MSI2: variants seen among roughly 807,000 people sequenced by gnomAD.
MSI2 encodes the protein musashi RNA binding protein 2.
A neutral mutation model predicts 45.6 loss-of-function variants in MSI2; 17 were observed. That is an observed-to-expected ratio of 0.37 (90% CI 0.26 to 0.56). The LOEUF is 0.56. MSI2 is among the 20% of genes least tolerant of loss of function. The pLI is 0.77. For missense variants in MSI2, 293 were observed against 444.2 expected (o/e 0.66, Z 3.06); for synonymous variants, 156 against 158.2 (o/e 0.99, Z 0.11).
chr17:57,405,179 T>G (rs779634040), intron 6 of MSI2, among the ~76,000 whole-genome samples: 3 of 152,216 alleles, frequency 2.0e-5, no homozygotes, highest in Non-Finnish European at 4.4e-5. Flanking sequence ...TGGCCTCGGC[T>G]TCTCTTCTCA....
the MSI2 span, among the ~76,000 whole-genome samples, chr17:57,698,291 C>T: frequency 6.6e-6 from 1 of 152,226 alleles, no homozygotes; most frequent in African/African-American, 2.4e-5. Flanking sequence ...AGAAGGCTGA[C>T]ATGTCCCATC....
At chr17:57,547,789 C>CACACACACACACACACACACACAT (rs1555621979) in intron 7 of MSI2, among the ~76,000 whole-genome samples, 3 of 145,096 alleles carry the variant, frequency 2.1e-5, no homozygotes, top group South Asian at 2.2e-4. Context: ...CACACACACA[C>CACACACACACACACACACACACAT]GTCTCTGGAG....
intron 8 of MSI2, among the ~76,000 whole-genome samples, chr17:57,598,253 G>T (rs971880633): frequency 6.6e-6 from 1 of 152,160 alleles, no homozygotes; most frequent in Non-Finnish European, 1.5e-5. Flanking sequence ...TCTTCCTTTT[G>T]TCAAAACATT....
In MSI2 at chr17:57,681,829, A is replaced by AG. The variant is rs1261447290; in HGVS notation, c.*2312_*2313insG. The AG allele has an allele frequency of 5.1e-6, 1 of 195,754 alleles. No individual in the cohort carries two copies. Among genetic ancestry groups the AG allele is most frequent in the Non-Finnish European group, 1.1e-5 (1 of 94,516 alleles). The allele number at this position is 195,754 out of a possible 1,614,324, so 12.1% of individuals were successfully genotyped here. A position where few individuals can be genotyped will look rare whatever the true frequency, so the allele number is the denominator to read the frequency against. ...AACATAAGTTTTATTTAAAAAAAAA[A>AG]AAAGAAAGAAAAAATAGTAAATTCC... On this transcript the variant is annotated 3_prime_UTR_variant, in exon 14 of 14. Coordinates refer to ENST00000284073, the MANE Select transcript of MSI2 (RefSeq NM_138962.4).
chr17:57,307,976 A>AG (rs1031861335), intron 5 of MSI2, among the ~76,000 whole-genome samples: 2 of 152,210 alleles, frequency 1.3e-5, no homozygotes, highest in Non-Finnish European at 2.9e-5. Context: ...CCTTCCATAG[A>AG]GCCTGACAGA....
intron 6 of MSI2, among the ~76,000 whole-genome samples, chr17:57,502,636 T>TATATATATATAGAGAGAG: frequency 5.2e-5 from 5 of 96,896 alleles, no homozygotes; most frequent in Non-Finnish European, 8.6e-5. Flanking sequence ...TATATATATA[T>TATATATATATAGAGAGAG]AGTCATCATT....
At chr17:57,431,915 G>C (rs2084602067) in intron 6 of MSI2, among the ~76,000 whole-genome samples, 3 of 152,152 alleles carry the variant, frequency 2.0e-5, no homozygotes, top group African/African-American at 7.2e-5. Flanking sequence ...GACTCCACCG[G>C]GCATTTGGCG....
chr17:57,516,691 A>G (rs760301560), intron 6 of MSI2, among the ~76,000 whole-genome samples: 3 of 152,202 alleles, frequency 2.0e-5, no homozygotes, highest in Non-Finnish European at 4.4e-5. Flanking sequence ...TGTTGTATCA[A>G]TAGTTTCTAC....
rs553850052 is a variant in MSI2, at chr17:57,325,040, C to T, written c.312+62848C>T. Among the ~76,000 whole-genome samples, 5 of 152,316 alleles carry T rather than the reference C, an allele frequency of 3.3e-5. No individual in the cohort carries two copies. In the East Asian group the frequency reaches 9.6e-4, roughly 29 times the overall value. On this transcript the variant is annotated intron_variant, in intron 5 of 13. Transcript: ENST00000284073. Reference sequence around the variant, plus strand: ...GTATCTACCTATGTTTATCACAGCACAGTTCCCAGTTGCAAAGATATGGAG... The same window carrying T: ...GTATCTACCTATGTTTATCACAGCATAGTTCCCAGTTGCAAAGATATGGAG...
chr17:57,499,815 A>G (rs1043853946), intron 6 of MSI2, among the ~76,000 whole-genome samples: 9 of 152,158 alleles, frequency 5.9e-5, no homozygotes, highest in Non-Finnish European at 5.9e-5. Flanking sequence ...ACTTCTCCCC[A>G]TGGTCTCTCT....
chr17:57,662,106 A>G (rs1479582511), intron 11 of MSI2, among the ~76,000 whole-genome samples: 2 of 152,194 alleles, frequency 1.3e-5, no homozygotes, highest in Non-Finnish European at 2.9e-5. Flanking sequence ...CAGAAAATGA[A>G]GGGGCCCTTT....
intron 6 of MSI2, among the ~76,000 whole-genome samples, chr17:57,478,517 C>CT (rs2085584720): frequency 6.6e-6 from 1 of 152,242 alleles, no homozygotes; most frequent in African/African-American, 2.4e-5. Context: ...CATTGTACTA[C>CT]TATCTCCCCG....
At chr17:57,692,177 G>A in the MSI2 span, among the ~76,000 whole-genome samples, 1 of 152,160 alleles carries the variant, frequency 6.6e-6, no homozygotes. Context: ...TGTTGAACCA[G>A]CCTTGCATTC....
At chr17:57,693,243 C>T in the MSI2 span, among the ~76,000 whole-genome samples, 4 of 151,880 alleles carry the variant, frequency 2.6e-5, no homozygotes, top group Admixed American at 1.3e-4. Context: ...AGTGCAGTGG[C>T]GCGATCTTGG....
intron 7 of MSI2, among the ~76,000 whole-genome samples, chr17:57,567,020 G>A (rs1306689965): frequency 6.6e-6 from 1 of 152,204 alleles, no homozygotes; most frequent in East Asian, 1.9e-4. Context: ...CTCCAAGGAT[G>A]CTTCCATGTA....
intron 6 of MSI2, among the ~76,000 whole-genome samples, chr17:57,457,232 C>G (rs765932159): frequency 6.6e-6 from 1 of 152,186 alleles, no homozygotes; most frequent in Non-Finnish European, 1.5e-5. Context: ...GAAAGTTTCA[C>G]CAAATTCCCC....
At chr17:57,323,707 A>G (rs769437889) in intron 5 of MSI2, among the ~76,000 whole-genome samples, 3 of 152,250 alleles carry the variant, frequency 2.0e-5, no homozygotes, top group Non-Finnish European at 4.4e-5. Context: ...TGGGCAGAGA[A>G]GAGGGGATGG....
chr17:57,313,762 C>T (rs1912612978), intron 5 of MSI2, among the ~76,000 whole-genome samples: 1 of 152,146 alleles, frequency 6.6e-6, no homozygotes, highest in Admixed American at 6.5e-5. Context: ...GTGCTAGGCA[C>T]AGAGACAGGT....
chr17:57,487,706 C>G (rs2085782849), intron 6 of MSI2, among the ~76,000 whole-genome samples: 1 of 151,882 alleles, frequency 6.6e-6, no homozygotes, highest in Non-Finnish European at 1.5e-5. Flanking sequence ...ACGCACTCAG[C>G]TTTAACCACA....
Sources: allele counts gnomAD v4.1 joint callset (sites outside exome capture counted in the v4.1 genomes callset), GRCh38; gene constraint gnomAD v4.1.1; transcripts MANE v1.5; gene names NCBI Gene and HGNC (gene_info 2026-07-23, HGNC 2026-07-21).